MYO5B: variants seen among roughly 807,000 people sequenced by gnomAD.
The protein encoded by MYO5B is myosin VB.
MYO5B carries 143 observed loss-of-function variants against 229.3 expected under a neutral mutation model. That is an observed-to-expected ratio of 0.62 (90% confidence interval 0.54 to 0.72). The LOEUF is 0.72. Ranked by LOEUF, MYO5B falls within the 30% of genes least tolerant of loss-of-function variation. MYO5B has a pLI of 0.00. For synonymous variants in MYO5B, 918 were observed against 885.2 expected (o/e 1.04, Z -0.66); for missense variants, 2,321 against 2,331.0 (o/e 1.00, Z 0.09).
At chr18:50,136,984 C>T (rs1472760572) in intron 1 of MYO5B, among the ~76,000 whole-genome samples, 1 of 152,096 alleles carries the variant, frequency 6.6e-6, no homozygotes, top group East Asian at 1.9e-4. Context: ...TTTATCTGCC[C>T]GAGTAGATTA....
intron 12 of MYO5B, among the ~76,000 whole-genome samples, chr18:49,959,709 G>T (rs1790798): frequency 0.046 from 6,965 of 152,184 alleles, 237 homozygotes; most frequent in Middle Eastern, 0.085. Context: ...TTGCTTCCAG[G>T]GTTCAAGGTT....
intron 2 of MYO5B, among the ~76,000 whole-genome samples, chr18:50,047,188 C>T (rs935518762): frequency 3.9e-5 from 6 of 152,284 alleles, no homozygotes; most frequent in East Asian, 1.9e-4. Flanking sequence ...GCAACCTACT[C>T]ATCTGACAAA....
chr18:49,959,346 G>T (rs1196234476), intron 12 of MYO5B, among the ~76,000 whole-genome samples: 2 of 152,164 alleles, frequency 1.3e-5, no homozygotes, highest in African/African-American at 4.8e-5. Flanking sequence ...ACATAAATGT[G>T]GCAAGGGCAC....
intron 16 of MYO5B, among the ~76,000 whole-genome samples, chr18:49,933,110 A>T (rs2025212144): frequency 6.6e-6 from 1 of 152,106 alleles, no homozygotes. Context: ...CCCGCCATGG[A>T]ATTGATTTCT....
intron 1 of MYO5B, among the ~76,000 whole-genome samples, chr18:50,128,592 G>C (rs928550882): frequency 6.6e-6 from 1 of 152,152 alleles, no homozygotes; most frequent in South Asian, 2.1e-4. Context: ...CGTGCCTTGA[G>C]AACAGAGGAC....
intron 31 of MYO5B, 64 bp downstream of exon 31, chr18:49,853,385 C>T (rs140080979): frequency 1.1e-5 from 17 of 1,575,544 alleles, no homozygotes; most frequent in Middle Eastern, 1.7e-4. Flanking sequence ...AAGGCAACCC[C>T]GATCCCATTT....
At chr18:49,890,431 T>C (rs2024698062) in intron 22 of MYO5B, among the ~76,000 whole-genome samples, 1 of 152,210 alleles carries the variant, frequency 6.6e-6, no homozygotes, top group Non-Finnish European at 1.5e-5. Context: ...GTGTTTCTTC[T>C]AAAAGCTTAT....
rs769421727 is a variant in MYO5B at position 49,937,398 on chromosome 18, C to A, written c.1753-1G>T. The stretch of plus-strand genomic sequence containing the variant: ...GAAACAAGTCAGCCACTAGTGGGAA[C>A]TAGAAACAATCACAGGAAGAATGAT... On this transcript the variant is annotated splice_acceptor_variant, in intron 14 of 39. Transcript: ENST00000285039. LOFTEE classifies it high-confidence loss of function. The A allele has an allele frequency of 2.4e-5, 39 of 1,613,922 alleles. No individual in the cohort carries two copies. Among genetic ancestry groups the A allele is most frequent in the Non-Finnish European group, 3.2e-5 (38 of 1,179,796 alleles).
intron 4 of MYO5B, among the ~76,000 whole-genome samples, chr18:50,008,866 T>C (rs981045929): frequency 6.6e-6 from 1 of 152,210 alleles, no homozygotes; most frequent in African/African-American, 2.4e-5. Flanking sequence ...TGTGTCTACA[T>C]GCTCTAATCA....
chr18:50,010,826 A>C (rs2026153479), intron 4 of MYO5B, among the ~76,000 whole-genome samples: 1 of 152,196 alleles, frequency 6.6e-6, no homozygotes, highest in African/African-American at 2.4e-5. Context: ...CTTGGAAACT[A>C]TTTTGCAGCA....
intron 39 of MYO5B, among the ~76,000 whole-genome samples, chr18:49,833,511 CTG>C (rs1005950689): frequency 5.2e-4 from 79 of 152,338 alleles, no homozygotes; most frequent in African/African-American, 1.8e-3. Context: ...CAGAATCTGA[CTG>C]TACATATTTT....
chr18:49,899,466 A>G (rs1424455688), intron 21 of MYO5B, among the ~76,000 whole-genome samples: 1 of 152,176 alleles, frequency 6.6e-6, no homozygotes, highest in Non-Finnish European at 1.5e-5. Flanking sequence ...CATGAACCCA[A>G]ACTAAGGCTA....
intron 17 of MYO5B, among the ~76,000 whole-genome samples, chr18:49,916,259 A>G (rs1397857832): frequency 2.0e-5 from 3 of 152,248 alleles, no homozygotes; most frequent in Non-Finnish European, 4.4e-5. Flanking sequence ...TCCATACTCA[A>G]GGAAATTACT....
chr18:49,830,171 A>ACACACACACAC (rs1568600105), intron 39 of MYO5B, among the ~76,000 whole-genome samples: 2 of 150,638 alleles, frequency 1.3e-5, no homozygotes, highest in African/African-American at 2.4e-5. Context: ...ACACACACAC[A>ACACACACACAC]AATATTGCTA....
chr18:49,831,687 GA>G (rs1308231768), intron 39 of MYO5B, among the ~76,000 whole-genome samples: 1 of 152,162 alleles, frequency 6.6e-6, no homozygotes, highest in African/African-American at 2.4e-5. Context: ...AGCTGCTGTG[GA>G]AAAGTTTCAG....
intron 5 of MYO5B, 108 bp from the exon 6 acceptor site, chr18:49,992,539 AAACC>A: frequency 6.7e-7 from 1 of 1,496,064 alleles, no homozygotes; most frequent in Admixed American, 1.7e-5. Flanking sequence ...TTACTTACAG[AAACC>A]CTCTGTTCTT....
At chr18:49,904,938 T>G in intron 19 of MYO5B, 110 bp from the exon 20 acceptor site, 1 of 1,319,608 alleles carries the variant, frequency 7.6e-7, no homozygotes. Flanking sequence ...TGGCCCTACC[T>G]GGACACACCC....
intron 1 of MYO5B, among the ~76,000 whole-genome samples, chr18:50,067,067 A>G (rs780300161): frequency 6.6e-6 from 1 of 152,206 alleles, no homozygotes; most frequent in Non-Finnish European, 1.5e-5. Flanking sequence ...CCTCATAAGA[A>G]AAGACTTAGT....
At chr18:50,006,599 C>A (rs79655697) in intron 4 of MYO5B, among the ~76,000 whole-genome samples, 2,795 of 152,314 alleles carry the variant, frequency 0.018, 89 homozygotes, top group African/African-American at 0.064. Context: ...CTGGCCCCCC[C>A]TTCTGTGACA....
Sources: gnomAD v4.1 joint callset for allele counts (sites outside exome capture counted in the v4.1 genomes callset) on GRCh38, gnomAD v4.1.1 for gene constraint, MANE v1.5 for transcripts, NCBI Gene and HGNC (gene_info 2026-07-23, HGNC 2026-07-21) for gene names.